ARMC9: variants seen among roughly 807,000 people sequenced by gnomAD.
The protein encoded by ARMC9 is armadillo repeat containing 9, also known as lisH domain-containing protein ARMC9.
Under a neutral mutation model 107.0 loss-of-function variants are expected in ARMC9, and 94 were observed. The observed-to-expected ratio is 0.88, with a 90% CI of 0.74 to 1.04. ARMC9 has a LOEUF of 1.04. Ranked by LOEUF, ARMC9 falls within the 50% of genes least tolerant of loss-of-function variation. ARMC9 has a pLI of 0.00. For synonymous variants in ARMC9, 380 were observed against 396.9 expected, an observed-to-expected ratio of 0.96 and a Z score of 0.51; for missense variants, 942 against 1,030.1, an observed-to-expected ratio of 0.91 and a Z score of 1.17.
chr2:231,256,254 G>T (rs887063736), intron 9 of ARMC9: 11 of 1,548,910 alleles, frequency 7.1e-6, no homozygotes, highest in Non-Finnish European at 9.6e-6. Flanking sequence ...GTGCGCGAGG[G>T]CGACGTGCTC....
At chr2:231,280,744 A>G (rs1020071726) in intron 16 of ARMC9, among the ~76,000 whole-genome samples, 1 of 152,234 alleles carries the variant, frequency 6.6e-6, no homozygotes, top group African/African-American at 2.4e-5. Flanking sequence ...AAAGTTTAAT[A>G]TTCCTAATAG....
chr2:231,282,371 C>G (rs2040282056), intron 17 of ARMC9, among the ~76,000 whole-genome samples: 1 of 152,212 alleles, frequency 6.6e-6, no homozygotes, highest in African/African-American at 2.4e-5. Context: ...TTAGAAAGTT[C>G]CCAGCAGGCT....
At chr2:231,337,325 T>A (rs1419116763) in intron 20 of ARMC9, among the ~76,000 whole-genome samples, 3 of 127,572 alleles carry the variant, frequency 2.4e-5, no homozygotes, top group Non-Finnish European at 4.8e-5. Context: ...TGAGACAGTG[T>A]CTCACTTTGT....
chr2:231,265,996 T>TAAG, intron 12 of ARMC9, among the ~76,000 whole-genome samples: 1 of 125,380 alleles, frequency 8.0e-6, no homozygotes, highest in Non-Finnish European at 1.7e-5. Flanking sequence ...AGACGCCATC[T>TAAG]AAAAAAAAAA....
rs1362443285 is a variant in ARMC9 at position 231,291,796 on chromosome 2, CAG to C, written c.1717+356_1717+357del. Reference sequence around the variant, plus strand: ...CACCACTGCACTCCAGCCTAGGTGACAGAGCGAGACTCCATCTCAAAAAAAAA... The same window carrying C: ...CACCACTGCACTCCAGCCTAGGTGACAGCGAGACTCCATCTCAAAAAAAAA... On this transcript the variant is annotated intron_variant, in intron 18 of 24. Coordinates refer to ENST00000611582, the MANE Select transcript of ARMC9 (RefSeq NM_001352754.2). 2.7e-5 allele frequency among the ~76,000 whole-genome samples: 4 copies of C among 149,096 alleles called. 1 individual carries two copies. Among genetic ancestry groups the C allele is most frequent in the Admixed American group, 1.3e-4 (2 of 14,924 alleles).
Position 231,345,273 on chromosome 2 carries a change from T to C in ARMC9, c.1994+183T>C. 1.0e-5 allele frequency: 12 copies of C among 1,186,170 alleles called. No individual in the cohort carries two copies. The South Asian group carries it at 2.0e-4, about 20-fold the overall frequency. 73.5% of individuals were successfully genotyped at this position (1,186,170 alleles called of 1,614,324 possible). A position where few individuals can be genotyped will look rare whatever the true frequency, so the allele number is the denominator to read the frequency against. On this transcript the variant is annotated intron_variant, in intron 21 of 24. Transcript: ENST00000611582. ...GTCCTTCTCCCTTCCCCCAGGATTTTTTTATTCCAGAAGGAGAAGTGGTTG... is the reference window on the plus strand; with the variant it reads ...GTCCTTCTCCCTTCCCCCAGGATTTCTTTATTCCAGAAGGAGAAGTGGTTG...
At chr2:231,324,710 C>T (rs181694414) in intron 19 of ARMC9, among the ~76,000 whole-genome samples, 6 of 151,970 alleles carry the variant, frequency 3.9e-5, no homozygotes, top group Non-Finnish European at 8.8e-5. Flanking sequence ...CACCATTGCA[C>T]TCAGCCTGGG....
chr2:231,268,403 C>G (rs546064646), intron 12 of ARMC9, among the ~76,000 whole-genome samples: 2 of 152,314 alleles, frequency 1.3e-5, no homozygotes, highest in East Asian at 3.9e-4. Context: ...GGACGACAGC[C>G]TTTGACATGT....
chr2:231,337,289 T>C (rs2044170849), intron 20 of ARMC9, among the ~76,000 whole-genome samples: 2 of 47,528 alleles, frequency 4.2e-5, no homozygotes, highest in Non-Finnish European at 3.9e-5. Flanking sequence ...TATATATATA[T>C]ATTTTTTTTT....
chr2:231,252,784 G>A (rs1021276600), intron 9 of ARMC9, among the ~76,000 whole-genome samples: 3 of 151,542 alleles, frequency 2.0e-5, no homozygotes, highest in Middle Eastern at 3.4e-3. Context: ...CCACAGGCAC[G>A]TGCCATCACA....
At chr2:231,242,053 C>CT (rs2036349392) in intron 9 of ARMC9, among the ~76,000 whole-genome samples, 2 of 152,172 alleles carry the variant, frequency 1.3e-5, no homozygotes, top group Non-Finnish European at 2.9e-5. Flanking sequence ...CCACATGTGG[C>CT]TGAAATAGAC....
chr2:231,312,536 C>T (rs1382939291), intron 19 of ARMC9, among the ~76,000 whole-genome samples: 3 of 151,932 alleles, frequency 2.0e-5, no homozygotes, highest in African/African-American at 7.3e-5. Flanking sequence ...GGAGATTCTT[C>T]TCCGAACAAA....
At chr2:231,256,505 A>G in intron 9 of ARMC9, 81 bp from the exon 10 acceptor site, 3 of 1,535,546 alleles carry the variant, frequency 2.0e-6, no homozygotes, top group Non-Finnish European at 2.7e-6. Context: ...TGTTGATTCC[A>G]TGCTATTAGG....
intron 23 of ARMC9, among the ~76,000 whole-genome samples, chr2:231,368,319 A>T (rs1440411946): frequency 6.6e-6 from 1 of 152,186 alleles, no homozygotes; most frequent in Admixed American, 6.5e-5. Context: ...TCCCATCAGG[A>T]AATGCATCCT....
rs2043492879 is a variant in ARMC9 at position 231,328,627 on chromosome 2, C to T, written c.1774-3166C>T. Among the ~76,000 whole-genome samples, 4 of 151,780 alleles carry T rather than the reference C, an allele frequency of 2.6e-5. No individual in the cohort carries two copies. The South Asian group carries it at 8.3e-4, about 32-fold the overall frequency. On this transcript the variant is annotated intron_variant, in intron 19 of 24. Transcript: ENST00000611582. ...TTTCTTTTGTACCTTAGTCTAAAAC[C>T]CACTGGACATATTTGTGTAGGTCCA...
intron 14 of ARMC9, among the ~76,000 whole-genome samples, chr2:231,276,060 A>G (rs1056463416): frequency 3.3e-5 from 5 of 152,254 alleles, no homozygotes; most frequent in African/African-American, 1.2e-4. Flanking sequence ...AGATATTTGA[A>G]GCAATGCTCT....
At chr2:231,370,770 C>T (rs908575860) in intron 24 of ARMC9, 7 of 228,578 alleles carry the variant, frequency 3.1e-5, no homozygotes, top group African/African-American at 1.6e-4. Flanking sequence ...TTGATAGCCC[C>T]TCCACCTCCA....
intron 18 of ARMC9, 60 bp downstream of exon 18, chr2:231,291,503 A>G: frequency 6.5e-7 from 1 of 1,534,336 alleles, no homozygotes; most frequent in Non-Finnish European, 8.9e-7. Flanking sequence ...TGCCAGAAAG[A>G]CACATGGCAT....
At chr2:231,369,249 A>G (rs994207552) in intron 23 of ARMC9, among the ~76,000 whole-genome samples, 2 of 152,016 alleles carry the variant, frequency 1.3e-5, no homozygotes, top group African/African-American at 2.4e-5. Context: ...TCCCCACCTT[A>G]TGCCCATCGT....
Sources: allele counts gnomAD v4.1 joint callset (sites outside exome capture counted in the v4.1 genomes callset), GRCh38; gene constraint gnomAD v4.1.1; transcripts MANE v1.5; gene names NCBI Gene and HGNC (gene_info 2026-07-23, HGNC 2026-07-21).